The following PCNX1 variants were observed in gnomAD, a reference collection of about 807,000 sequenced individuals.
The protein encoded by PCNX1 is pecanex-like protein 1.
Under a neutral mutation model 242.2 loss-of-function variants are expected in PCNX1, and 78 were observed. That is an observed-to-expected ratio of 0.32 (90% CI 0.27 to 0.39). The LOEUF (loss-of-function observed/expected upper bound fraction) is 0.39. Among genes scored for constraint, PCNX1 ranks in the 10% least tolerant of loss-of-function variants. The pLI, the probability that PCNX1 is intolerant of heterozygous loss-of-function variation, is 1.00. For missense variants in PCNX1, 2,581 were observed against 2,856.5 expected, an observed-to-expected ratio of 0.90 and a Z score of 2.20; for synonymous variants, 1,024 against 1,032.9, an observed-to-expected ratio of 0.99 and a Z score of 0.17.
chr14:71,020,403 T>C (rs1381425727), intron 12 of PCNX1, among the ~76,000 whole-genome samples: 1 of 152,192 alleles, frequency 6.6e-6, no homozygotes, highest in Non-Finnish European at 1.5e-5. Context: ...CCACCAACAG[T>C]GTAAAAGCGT....
At chr14:70,988,432 T>TA in intron 6 of PCNX1, 135 bp from the exon 7 acceptor site, 1 of 712,970 alleles carries the variant, frequency 1.4e-6, no homozygotes, top group Non-Finnish European at 2.3e-6. Flanking sequence ...AGATTGACAG[T>TA]ATACATGTGA....
Position 71,096,616 on chromosome 14 carries a change from A to C in PCNX1, c.5590-5374A>C, listed in dbSNP as rs1407955921. Reference sequence around the variant, plus strand: ...TCTAAAAGATAGCACATCATATGGCATCTGGCTCTCTGCTTGTATAGGAAA... The same window carrying C: ...TCTAAAAGATAGCACATCATATGGCCTCTGGCTCTCTGCTTGTATAGGAAA... On this transcript the variant is annotated intron_variant, in intron 30 of 35. Transcript: ENST00000304743. Among the ~76,000 whole-genome samples, 4 of 152,204 alleles carry C rather than the reference A, an allele frequency of 2.6e-5. No individual in the cohort carries two copies. The East Asian group carries it at 7.7e-4, about 29-fold the overall frequency.
intron 30 of PCNX1, among the ~76,000 whole-genome samples, chr14:71,094,818 G>C (rs1043016130): frequency 8.5e-5 from 13 of 152,142 alleles, no homozygotes; most frequent in African/African-American, 3.1e-4. Context: ...TTTAGTCCCA[G>C]CTACTTGGGA....
intron 26 of PCNX1, among the ~76,000 whole-genome samples, chr14:71,072,030 G>A (rs2061598977): frequency 6.6e-6 from 1 of 152,120 alleles, no homozygotes; most frequent in Non-Finnish European, 1.5e-5. Flanking sequence ...GTACTCCAAA[G>A]TACTTAGAAC....
At chr14:71,038,991 A>G (rs896945564) in intron 19 of PCNX1, among the ~76,000 whole-genome samples, 1 of 151,542 alleles carries the variant, frequency 6.6e-6, no homozygotes, top group Non-Finnish European at 1.5e-5. Context: ...CAAACACCGC[A>G]TATTCTCACT....
At chr14:71,054,959 C>T (rs1317105099) in intron 24 of PCNX1, among the ~76,000 whole-genome samples, 1 of 152,168 alleles carries the variant, frequency 6.6e-6, no homozygotes, top group South Asian at 2.1e-4. Context: ...CACAGTCTTA[C>T]CTACCATTGC....
At chr14:70,942,701 C>T (rs1454428587) in intron 1 of PCNX1, among the ~76,000 whole-genome samples, 2 of 152,206 alleles carry the variant, frequency 1.3e-5, no homozygotes, top group African/African-American at 4.8e-5. Flanking sequence ...CTCCAGAAAC[C>T]TCCATGTGTT....
At position 70,945,660 on chromosome 14, in the gene PCNX1, G is replaced by A. The variant is rs577499457; in HGVS notation, c.154-1255G>A. Among the ~76,000 whole-genome samples the A allele has an allele frequency of 2.6e-5, 4 of 151,460 alleles. No individual in the cohort carries two copies. The East Asian group carries it at 5.8e-4, about 22-fold the overall frequency. On this transcript the variant is annotated intron_variant, in intron 1 of 35. Coordinates refer to ENST00000304743, the MANE Select transcript of PCNX1 (RefSeq NM_014982.3). ...AGACCTTTTTATTTTTGTCTCAAGT[G>A]ATTTGAGGTTAACTTTTTTTTTTTT...
rs375195787 is a variant in PCNX1, at chr14:70,977,829, G to C, written c.1492G>C (p.Glu498Gln). The change falls in exon 6 of 36, where the codon GAA becomes CAA. Residue 498 changes from glutamate to glutamine, a missense_variant. By Grantham distance (29) the Glu-to-Gln change is conservative. Around this residue, in one of 9 missense-constraint regions of PCNX1, gnomAD observed 1,204 missense variants for 1,216.7 expected, o/e 0.99. Transcript: ENST00000304743. ...EEANKNPHANEFTSQGDRPPG... is the reference protein window; with the variant it reads ...EEANKNPHANQFTSQGDRPPG... ...AGCCAATAAAAATCCCCATGCAAAT[G>C]AATTTACTTCCCAAGGGGACAGACC... 9.9e-6 allele frequency: 16 copies of C among 1,614,004 alleles called. No homozygotes were observed. The highest frequency in any genetic ancestry group is 1.4e-5 in the Non-Finnish European group (16 of 1,180,026).
At chr14:71,089,442 C>A in intron 30 of PCNX1, 100 bp downstream of exon 30, 1 of 843,856 alleles carries the variant, frequency 1.2e-6, no homozygotes, top group Non-Finnish European at 1.8e-6. Context: ...TAAGGAATAC[C>A]CGAGACTGGG....
chr14:71,030,463 C>A (rs1026842498), intron 16 of PCNX1, among the ~76,000 whole-genome samples: 5 of 152,060 alleles, frequency 3.3e-5, no homozygotes, highest in African/African-American at 1.2e-4. Flanking sequence ...GGCTGTCTGG[C>A]CACCTCTAGG....
chr14:70,970,781 G>A (rs917885300), intron 5 of PCNX1, among the ~76,000 whole-genome samples: 16 of 152,262 alleles, frequency 1.1e-4, no homozygotes, highest in Non-Finnish European at 2.4e-4. Context: ...AGTCATAAAC[G>A]ATACATAAAT....
At chr14:71,017,801 A>T (rs10483835) in intron 11 of PCNX1, among the ~76,000 whole-genome samples, 24,010 of 152,188 alleles carry the variant, frequency 0.16, 2,291 homozygotes, top group African/African-American at 0.26. Context: ...ATCAAATGGA[A>T]ATGCCAGTAA....
Position 71,031,805 on chromosome 14 carries a change from G to T in PCNX1, c.3559-1624G>T, listed in dbSNP as rs894758396. 3.4e-6 allele frequency: 5 copies of T among 1,483,138 alleles called. No individual in the cohort carries two copies. In the African/African-American group the frequency reaches 4.1e-5, roughly 12 times the overall value. 91.9% of individuals were successfully genotyped at this position (1,483,138 alleles called of 1,614,324 possible). On this transcript the variant is annotated intron_variant, in intron 16 of 35. Coordinates refer to ENST00000304743, the MANE Select transcript of PCNX1 (RefSeq NM_014982.3). ...TACCAGTGCAGGGAGCCCATGCATA[G>T]CTTGGCAGCGAGGAGAGGGATGGTG... is the stretch of plus-strand genomic sequence containing the variant.
chr14:70,998,936 T>G (rs909141471), intron 8 of PCNX1, among the ~76,000 whole-genome samples: 5 of 152,260 alleles, frequency 3.3e-5, no homozygotes, highest in African/African-American at 7.2e-5. Flanking sequence ...TTCAATGTAA[T>G]ATGTTGCTCT....
chr14:71,050,070 A>G (rs959870418), intron 22 of PCNX1, among the ~76,000 whole-genome samples: 1 of 152,192 alleles, frequency 6.6e-6, no homozygotes, highest in Non-Finnish European at 1.5e-5. Context: ...CATTTAAAAC[A>G]TAGTTTCCAA....
chr14:70,920,634 A>G (rs1369256598), intron 1 of PCNX1, among the ~76,000 whole-genome samples: 2 of 152,198 alleles, frequency 1.3e-5, no homozygotes, highest in African/African-American at 4.8e-5. Flanking sequence ...TAATTCCAAG[A>G]TGAAAAAGAC....
intron 26 of PCNX1, among the ~76,000 whole-genome samples, chr14:71,059,733 G>A (rs570420121): frequency 6.6e-6 from 1 of 152,102 alleles, no homozygotes; most frequent in East Asian, 1.9e-4. Flanking sequence ...GCATTCGCAC[G>A]CTTACAATTT....
At chr14:70,949,822 G>C (rs1298087986) in intron 2 of PCNX1, among the ~76,000 whole-genome samples, 1 of 152,068 alleles carries the variant, frequency 6.6e-6, no homozygotes, top group Non-Finnish European at 1.5e-5. Context: ...GAAATTAATA[G>C]GTACCCCTAA....
Sources: allele counts gnomAD v4.1 joint callset (sites outside exome capture counted in the v4.1 genomes callset), GRCh38; gene constraint gnomAD v4.1.1; regional missense constraint gnomAD v4.1.1; transcripts MANE v1.5; gene names NCBI Gene and HGNC (gene_info 2026-07-23, HGNC 2026-07-21).